Variants in ARHGEF3 observed in about 807,000 individuals in gnomAD.
ARHGEF3 encodes 59.8 kDA protein.
A neutral mutation model predicts 63.2 loss-of-function variants in ARHGEF3; 28 were observed. The ratio of observed to expected loss-of-function variants is 0.44; its 90% CI spans 0.33 to 0.61. The LOEUF (loss-of-function observed/expected upper bound fraction) is 0.61. Ranked by LOEUF, ARHGEF3 falls within the 20% of genes least tolerant of loss-of-function variation. The pLI, the probability that ARHGEF3 is intolerant of heterozygous loss-of-function variation, is 0.03. For synonymous variants in ARHGEF3, 266 were observed against 254.2 expected, an observed-to-expected ratio of 1.05 and a Z score of -0.44; for missense variants, 533 against 659.3, an observed-to-expected ratio of 0.81 and a Z score of 2.10.
intron 2 of ARHGEF3, among the ~76,000 whole-genome samples, chr3:56,995,418 T>A (rs1701931099): frequency 6.6e-6 from 1 of 152,134 alleles, no homozygotes; most frequent in Non-Finnish European, 1.5e-5. Context: ...CAGACAGAAT[T>A]CATTTTAACT....
intron 4 of ARHGEF3, among the ~76,000 whole-genome samples, chr3:56,834,061 AC>A (rs2039021442): frequency 6.6e-6 from 1 of 151,510 alleles, no homozygotes; most frequent in African/African-American, 2.4e-5. Context: ...GTGCCACCAC[AC>A]CCGGCTAATT....
chr3:56,893,532 A>G (rs1560027508), intron 3 of ARHGEF3, among the ~76,000 whole-genome samples: 1 of 152,180 alleles, frequency 6.6e-6, no homozygotes, highest in Non-Finnish European at 1.5e-5. Flanking sequence ...CCAGCATGGC[A>G]CAGTGGCTCA....
At chr3:56,757,389 G>C (rs562533753) in intron 2 of ARHGEF3, among the ~76,000 whole-genome samples, 1 of 151,992 alleles carries the variant, frequency 6.6e-6, no homozygotes, top group Non-Finnish European at 1.5e-5. Flanking sequence ...CAGGAGAATC[G>C]CTTGAACCCA....
At chr3:56,906,729 G>T (rs1313582876) in intron 3 of ARHGEF3, among the ~76,000 whole-genome samples, 1 of 151,546 alleles carries the variant, frequency 6.6e-6, no homozygotes, top group Non-Finnish European at 1.5e-5. Context: ...CCAGCTACTC[G>T]GGAGGCTGAG....
chr3:57,053,194 C>A (rs1422030573), intron 1 of ARHGEF3, among the ~76,000 whole-genome samples: 2 of 152,206 alleles, frequency 1.3e-5, no homozygotes, highest in East Asian at 3.9e-4. Context: ...AGGCCACCCT[C>A]CCTCTCAAGC....
At chr3:56,919,730 T>C (rs1184402116) in intron 3 of ARHGEF3, among the ~76,000 whole-genome samples, 1 of 152,226 alleles carries the variant, frequency 6.6e-6, no homozygotes, top group Non-Finnish European at 1.5e-5. Flanking sequence ...TATGAGCACT[T>C]ACCATGTATT....
intron 4 of ARHGEF3, among the ~76,000 whole-genome samples, chr3:56,813,782 T>G (rs1214953962): frequency 6.6e-6 from 1 of 152,112 alleles, no homozygotes; most frequent in Non-Finnish European, 1.5e-5. Flanking sequence ...CTCATGCCAC[T>G]CTGAAATTAG....
intron 3 of ARHGEF3, among the ~76,000 whole-genome samples, chr3:56,921,436 T>A (rs1267436222): frequency 4.6e-5 from 6 of 129,580 alleles, no homozygotes; most frequent in African/African-American, 5.5e-5. Context: ...AAAAACAAAA[T>A]TTGGGTGTTA....
intron 1 of ARHGEF3, among the ~76,000 whole-genome samples, chr3:57,036,078 G>A (rs1229056801): frequency 6.6e-6 from 1 of 152,130 alleles, no homozygotes; most frequent in Non-Finnish European, 1.5e-5. Context: ...AGAGACAGGT[G>A]AGGCCAAACT....
chr3:56,903,118 G>A (rs2041577502), intron 3 of ARHGEF3, among the ~76,000 whole-genome samples: 1 of 151,678 alleles, frequency 6.6e-6, no homozygotes, highest in South Asian at 2.1e-4. Context: ...CGAACCCCAA[G>A]TTTCCTGGTG....
chr3:56,879,594 AT>A (rs2108250612), intron 4 of ARHGEF3, among the ~76,000 whole-genome samples: 1 of 151,612 alleles, frequency 6.6e-6, no homozygotes, highest in South Asian at 2.1e-4. Context: ...AGTTACTCAT[AT>A]TACTTTCCCA....
chr3:56,826,238 C>T (rs983860405), intron 4 of ARHGEF3, among the ~76,000 whole-genome samples: 1 of 152,196 alleles, frequency 6.6e-6, no homozygotes, highest in African/African-American at 2.4e-5. Flanking sequence ...TTGACTGTTA[C>T]ATAAGCATGA....
chr3:56,745,023 G>A (rs1171169647), intron 7 of ARHGEF3, among the ~76,000 whole-genome samples, 182 bp downstream of exon 7: 1 of 152,142 alleles, frequency 6.6e-6, no homozygotes, highest in Non-Finnish European at 1.5e-5. Context: ...TTAGGAAACT[G>A]AGGCAGAAAG....
chr3:56,927,782 C>A (rs1327328548), intron 3 of ARHGEF3, among the ~76,000 whole-genome samples: 1 of 152,120 alleles, frequency 6.6e-6, no homozygotes, highest in Non-Finnish European at 1.5e-5. Context: ...AACAAACAAA[C>A]AAACAAAAAC....
intron 1 of ARHGEF3, among the ~76,000 whole-genome samples, chr3:56,782,418 G>A (rs1483704461): frequency 1.3e-5 from 2 of 152,162 alleles, no homozygotes; most frequent in African/African-American, 2.4e-5. Flanking sequence ...TGTGGACTTT[G>A]ACAAACCACC....
At chr3:56,797,099 C>G (rs955769716) in intron 1 of ARHGEF3, among the ~76,000 whole-genome samples, 7 of 152,138 alleles carry the variant, frequency 4.6e-5, no homozygotes, top group African/African-American at 1.7e-4. Context: ...TTGACCCTCA[C>G]TATGGTCCTA....
At chr3:56,739,290 G>GA (rs2033849115) in intron 7 of ARHGEF3, among the ~76,000 whole-genome samples, 1 of 151,514 alleles carries the variant, frequency 6.6e-6, no homozygotes, top group Non-Finnish European at 1.5e-5. Context: ...GCCAATCTCT[G>GA]AAAAGCAAGG....
At chr3:56,907,126 C>A (rs2041711514) in intron 3 of ARHGEF3, among the ~76,000 whole-genome samples, 1 of 151,824 alleles carries the variant, frequency 6.6e-6, no homozygotes, top group Admixed American at 6.6e-5. Flanking sequence ...GGATTACAGG[C>A]CTGCATCACC....
chr3:57,050,134 TCTC>T (rs1212033295), intron 1 of ARHGEF3, among the ~76,000 whole-genome samples: 2 of 152,114 alleles, frequency 1.3e-5, no homozygotes, highest in Admixed American at 6.5e-5. Context: ...GCCTGACCCT[TCTC>T]CTTCCACTCC....
Sources: allele counts gnomAD v4.1 joint callset (sites outside exome capture counted in the v4.1 genomes callset), GRCh38; gene constraint gnomAD v4.1.1; transcripts MANE v1.5; gene names NCBI Gene and HGNC (gene_info 2026-07-23, HGNC 2026-07-21).